Variants in UBR3 observed in about 807,000 individuals in gnomAD.
UBR3 encodes the protein ubiquitin protein ligase E3 component n-recognin 3, also known as E3 ubiquitin-protein ligase UBR3.
In UBR3, 85 loss-of-function variants were observed where a neutral mutation model predicts 243.2. The observed-to-expected ratio is 0.35, with a 90% CI of 0.29 to 0.42. The LOEUF (loss-of-function observed/expected upper bound fraction) is 0.42, where lower values mean the gene tolerates loss of function less well. UBR3 is among the 10% of genes least tolerant of loss of function. The pLI, the probability that UBR3 is intolerant of heterozygous loss-of-function variation, is 1.00. For missense variants in UBR3, 1,686 were observed against 2,300.8 expected, an observed-to-expected ratio of 0.73 and a Z score of 5.47; for synonymous variants, 748 against 799.8, an observed-to-expected ratio of 0.94 and a Z score of 1.09.
intron 3 of UBR3, among the ~76,000 whole-genome samples, chr2:169,876,531 T>TATTG (rs548140513): frequency 1.5e-4 from 22 of 147,334 alleles, no homozygotes; most frequent in African/African-American, 5.1e-4. Context: ...CTGCCTCTCT[T>TATTG]TATTGTATTG....
intron 1 of UBR3, among the ~76,000 whole-genome samples, chr2:169,850,962 C>G (rs2082636731): frequency 6.6e-6 from 1 of 151,898 alleles, no homozygotes; most frequent in South Asian, 2.1e-4. Flanking sequence ...AATGTGGGTA[C>G]TTGGTTACAT....
At chr2:169,866,438 A>G (rs1574078292) in intron 1 of UBR3, among the ~76,000 whole-genome samples, 1 of 150,776 alleles carries the variant, frequency 6.6e-6, no homozygotes, top group Non-Finnish European at 1.5e-5. Flanking sequence ...ATCTCAGCCC[A>G]CTGCAACCTC....
intron 18 of UBR3, among the ~76,000 whole-genome samples, chr2:169,931,437 A>G (rs917285687): frequency 6.6e-5 from 10 of 151,598 alleles, no homozygotes; most frequent in Non-Finnish European, 1.3e-4. Context: ...TCAGAATTTT[A>G]AGTCATACTT....
chr2:169,837,107 C>G (rs1038252000), intron 1 of UBR3, among the ~76,000 whole-genome samples: 1 of 152,144 alleles, frequency 6.6e-6, no homozygotes, highest in African/African-American at 2.4e-5. Flanking sequence ...ACACTTAGGT[C>G]TTTTGTCCAT....
At chr2:169,955,968 T>G (rs2087266547) in intron 23 of UBR3, among the ~76,000 whole-genome samples, 1 of 151,862 alleles carries the variant, frequency 6.6e-6, no homozygotes, top group Admixed American at 6.6e-5. Context: ...TGGGGAAAAT[T>G]GTGTGTGTGT....
In UBR3 at chr2:170,065,357, G is replaced by C. The variant is rs573066832; in HGVS notation, c.5019+3914G>C. On this transcript the variant is annotated intron_variant, in intron 35 of 38. Coordinates refer to ENST00000272793, the MANE Select transcript of UBR3 (RefSeq NM_172070.4). ...GCTGGAGTGCAGTGGCACGATCTCA[G>C]CTCACTTCAACCTCCACCTCCTGGG... Among the ~76,000 whole-genome samples, 54 of 152,194 alleles carry C rather than the reference G, an allele frequency of 3.5e-4. No individual in the cohort carries two copies. In the South Asian group the frequency reaches 5.2e-3, roughly 15 times the overall value.
chr2:169,921,293 T>G (rs2085687274), intron 11 of UBR3, among the ~76,000 whole-genome samples: 2 of 152,124 alleles, frequency 1.3e-5, no homozygotes, highest in Admixed American at 1.3e-4. Context: ...GAGTGAGATT[T>G]CCACTGAGAT....
intron 31 of UBR3, 102 bp downstream of exon 31, chr2:170,029,550 C>G: frequency 1.2e-6 from 1 of 867,152 alleles, no homozygotes; most frequent in East Asian, 2.9e-5. Context: ...GATTTTTTCA[C>G]ATTTTCTTTA....
At chr2:170,022,074 A>G (rs1289482965) in intron 30 of UBR3, among the ~76,000 whole-genome samples, 1 of 152,144 alleles carries the variant, frequency 6.6e-6, no homozygotes, top group Non-Finnish European at 1.5e-5. Context: ...AGAGGAAGTT[A>G]GGAGTCCTAA....
chr2:170,053,532 A>T (rs1209023657), intron 32 of UBR3, among the ~76,000 whole-genome samples: 4 of 152,180 alleles, frequency 2.6e-5, no homozygotes, highest in African/African-American at 9.7e-5. Flanking sequence ...TGCAGTCATA[A>T]GTCATAACAG....
chr2:170,016,975 A>G (rs890400441), intron 30 of UBR3: 32 of 394,794 alleles, frequency 8.1e-5, no homozygotes, highest in African/African-American at 6.6e-4. Context: ...TTACTTATTT[A>G]TCCTAATATT....
intron 30 of UBR3, chr2:170,016,798 T>G: frequency 1.9e-6 from 1 of 523,928 alleles, no homozygotes; most frequent in Non-Finnish European, 2.6e-6. Context: ...CCAGAGTCAA[T>G]TTTGTAATTT....
intron 27 of UBR3, among the ~76,000 whole-genome samples, chr2:170,003,598 A>G (rs2105401806): frequency 6.6e-6 from 1 of 152,236 alleles, no homozygotes; most frequent in South Asian, 2.1e-4. Context: ...AGAGACAAGC[A>G]AACAGTTACA....
chr2:169,919,065 G>T (rs183131635), intron 11 of UBR3, among the ~76,000 whole-genome samples: 86 of 152,284 alleles, frequency 5.6e-4, no homozygotes, highest in Middle Eastern at 6.8e-3. Context: ...GTAATCCAGT[G>T]GGAGAAGGGA....
chr2:169,889,189 G>C (rs1182960436), intron 5 of UBR3, among the ~76,000 whole-genome samples: 2 of 152,090 alleles, frequency 1.3e-5, no homozygotes, highest in Non-Finnish European at 2.9e-5. Flanking sequence ...TCAGTGGTCT[G>C]TGTTTTCAGA....
intron 24 of UBR3, among the ~76,000 whole-genome samples, chr2:169,960,419 C>T (rs2087519082): frequency 6.6e-6 from 1 of 151,518 alleles, no homozygotes; most frequent in Middle Eastern, 3.4e-3. Flanking sequence ...TGGTCCCAAG[C>T]GTTTCAGATA....
At chr2:169,932,396 A>G (rs1170728615) in intron 18 of UBR3, among the ~76,000 whole-genome samples, 2 of 151,844 alleles carry the variant, frequency 1.3e-5, no homozygotes, top group Non-Finnish European at 2.9e-5. Context: ...CTTTAAATCT[A>G]GTTTTCATGT....
intron 1 of UBR3, among the ~76,000 whole-genome samples, chr2:169,837,497 C>T (rs75426956): frequency 0.057 from 8,722 of 152,166 alleles, 465 homozygotes; most frequent in African/African-American, 0.14. Flanking sequence ...GGAAAAAGAA[C>T]GGCTGGAGAC....
intron 1 of UBR3, among the ~76,000 whole-genome samples, chr2:169,835,815 C>A (rs1262051464): frequency 6.6e-6 from 1 of 151,798 alleles, no homozygotes; most frequent in East Asian, 1.9e-4. Context: ...CAGAAAAGTA[C>A]AAAAGTAGTA....
Sources: allele counts gnomAD v4.1 joint callset (sites outside exome capture counted in the v4.1 genomes callset), GRCh38; gene constraint gnomAD v4.1.1; transcripts MANE v1.5; gene names NCBI Gene and HGNC (gene_info 2026-07-23, HGNC 2026-07-21).